The following LRRC1 variants were observed in gnomAD, a reference collection of about 807,000 sequenced individuals.
LRRC1 encodes the protein leucine-rich repeat-containing protein 1.
LRRC1 carries 28 observed loss-of-function variants against 69.9 expected under a neutral mutation model. The ratio of observed to expected loss-of-function variants is 0.40; its 90% CI spans 0.30 to 0.55. The LOEUF (loss-of-function observed/expected upper bound fraction) is 0.55, where lower values mean the gene tolerates loss of function less well. LRRC1 is among the 20% of genes least tolerant of loss of function. The pLI is 0.47. For synonymous variants in LRRC1, 236 were observed against 240.2 expected, an observed-to-expected ratio of 0.98 and a Z score of 0.16; for missense variants, 498 against 609.0, an observed-to-expected ratio of 0.82 and a Z score of 1.92.
At chr6:53,844,831 A>G (rs1386338093) in intron 2 of LRRC1, among the ~76,000 whole-genome samples, 2 of 152,182 alleles carry the variant, frequency 1.3e-5, no homozygotes, top group Non-Finnish European at 2.9e-5. Context: ...GCTCAGTAGC[A>G]TTATGTGTGT....
intron 13 of LRRC1, 21 bp downstream of exon 13, chr6:53,920,782 T>A: frequency 6.2e-7 from 1 of 1,614,000 alleles, no homozygotes; most frequent in Non-Finnish European, 8.5e-7. Flanking sequence ...GCAGATTCTT[T>A]GCCTCTGTGG....
At chr6:53,898,597 C>T (rs1436807994) in intron 7 of LRRC1, among the ~76,000 whole-genome samples, 1 of 152,116 alleles carries the variant, frequency 6.6e-6, no homozygotes, top group Non-Finnish European at 1.5e-5. Context: ...TGTGTTAAAT[C>T]AGCATAAACA....
At chr6:53,852,789 CA>C (rs1766181267) in intron 2 of LRRC1, among the ~76,000 whole-genome samples, 1 of 151,978 alleles carries the variant, frequency 6.6e-6, no homozygotes, top group Non-Finnish European at 1.5e-5. Flanking sequence ...TTTAAACTTG[CA>C]AAAAAACCCA....
At chr6:53,848,426 G>A (rs962140918) in intron 2 of LRRC1, among the ~76,000 whole-genome samples, 2 of 152,176 alleles carry the variant, frequency 1.3e-5, no homozygotes, top group South Asian at 2.1e-4. Flanking sequence ...AAATTTCAGC[G>A]AGCATTGTTT....
At chr6:53,830,962 A>T (rs1295143684) in intron 1 of LRRC1, among the ~76,000 whole-genome samples, 1 of 135,636 alleles carries the variant, frequency 7.4e-6, no homozygotes, top group Non-Finnish European at 1.6e-5. Context: ...ATATATATAT[A>T]ATATATAGTT....
In LRRC1 at chr6:53,844,478, G is replaced by A. The variant is rs191217404; in HGVS notation, c.277+2251G>A. On this transcript the variant is annotated intron_variant, in intron 2 of 13. Transcript: ENST00000370888. ...CACTAGTCAGCTGCCAGTTTTACCA[G>A]TTCCCACATCAGCTCTTTTCAAACA... is the stretch of plus-strand genomic sequence containing the variant. Among the ~76,000 whole-genome samples, 486 of 152,284 alleles carry A rather than the reference G, an allele frequency of 3.2e-3. 2 individuals are homozygous for A. The highest frequency in any genetic ancestry group is 0.014 in the Middle Eastern group (4 of 294).
intron 7 of LRRC1, among the ~76,000 whole-genome samples, chr6:53,899,451 C>T (rs765514278): frequency 1.3e-5 from 2 of 152,282 alleles, no homozygotes; most frequent in South Asian, 2.1e-4. Flanking sequence ...AATTGTGTGA[C>T]CCTGCAGTCG....
At chr6:53,898,158 T>C (rs1767934134) in intron 7 of LRRC1, among the ~76,000 whole-genome samples, 2 of 152,196 alleles carry the variant, frequency 1.3e-5, no homozygotes, top group Non-Finnish European at 2.9e-5. Context: ...GAAAGCACTT[T>C]AGTAAATTTT....
intron 1 of LRRC1, among the ~76,000 whole-genome samples, chr6:53,803,219 T>TA (rs1764535938): frequency 6.6e-6 from 1 of 152,330 alleles, no homozygotes; most frequent in Admixed American, 6.5e-5. Context: ...AATAGCAGTG[T>TA]AAACATTTCT....
intron 1 of LRRC1, among the ~76,000 whole-genome samples, chr6:53,825,452 C>A (rs1765229456): frequency 6.6e-6 from 1 of 152,188 alleles, no homozygotes; most frequent in Admixed American, 6.5e-5. Flanking sequence ...TGTTATACTG[C>A]CACTGTTTTG....
intron 10 of LRRC1, among the ~76,000 whole-genome samples, chr6:53,911,318 T>A (rs886247655): frequency 2.6e-5 from 4 of 152,166 alleles, no homozygotes; most frequent in African/African-American, 9.7e-5. Flanking sequence ...CCACTTTAAT[T>A]AATTAATTTT....
At chr6:53,878,505 A>G (rs936403207) in intron 2 of LRRC1, among the ~76,000 whole-genome samples, 1 of 152,224 alleles carries the variant, frequency 6.6e-6, no homozygotes, top group Non-Finnish European at 1.5e-5. Context: ...CACACAACCT[A>G]GATCCCTCGC....
intron 3 of LRRC1, among the ~76,000 whole-genome samples, chr6:53,880,313 C>T (rs1262853105): frequency 6.6e-6 from 1 of 152,118 alleles, no homozygotes; most frequent in Non-Finnish European, 1.5e-5. Flanking sequence ...AGCTTTCTTA[C>T]TTATCACTGT....
chr6:53,831,837 G>A (rs973887342), intron 1 of LRRC1, among the ~76,000 whole-genome samples: 4 of 152,082 alleles, frequency 2.6e-5, no homozygotes, highest in African/African-American at 9.7e-5. Context: ...CCTTGGCTAG[G>A]GGTGGTATCG....
In LRRC1 at chr6:53,916,132, T is replaced by C. The variant is rs73432429; in HGVS notation, c.1106+2163T>C. On this transcript the variant is annotated intron_variant, in intron 11 of 13. Coordinates refer to ENST00000370888, the MANE Select transcript of LRRC1 (RefSeq NM_018214.5). Reference sequence around the variant, plus strand: ...GTGACAGTAAAGAAAATGTCTTATATCATCAGTTACTCAGGCACAGAACAC... The same window carrying C: ...GTGACAGTAAAGAAAATGTCTTATACCATCAGTTACTCAGGCACAGAACAC... 3.7e-3 allele frequency among the ~76,000 whole-genome samples: 556 copies of C among 152,272 alleles called. 4 individuals are homozygous for C. Among genetic ancestry groups the C allele is most frequent in the African/African-American group, 0.013 (539 of 41,540 alleles).
intron 7 of LRRC1, 68 bp from the exon 8 acceptor site, chr6:53,899,679 C>T (rs907051349): frequency 6.8e-7 from 1 of 1,471,876 alleles, no homozygotes; most frequent in Non-Finnish European, 9.2e-7. Flanking sequence ...TGAAAAATCA[C>T]TGGAACAAAT....
chr6:53,917,925 A>G (rs886402917), intron 11 of LRRC1, among the ~76,000 whole-genome samples: 4 of 152,256 alleles, frequency 2.6e-5, no homozygotes, highest in African/African-American at 9.6e-5. Context: ...GTTTACATGT[A>G]TGCAACATTC....
intron 11 of LRRC1, among the ~76,000 whole-genome samples, chr6:53,915,927 A>G (rs1768550371): frequency 6.6e-6 from 1 of 152,220 alleles, no homozygotes. Context: ...ATGGGAAATC[A>G]TACTAAATCA....
intron 1 of LRRC1, among the ~76,000 whole-genome samples, chr6:53,813,664 TCAGGTATA>T (rs928722384): frequency 6.6e-6 from 1 of 150,766 alleles, no homozygotes; most frequent in African/African-American, 2.4e-5. Context: ...GCTGTAGGAA[TCAGGTATA>T]CAGGTTGGGT....
Sources: allele counts gnomAD v4.1 joint callset (sites outside exome capture counted in the v4.1 genomes callset), GRCh38; gene constraint gnomAD v4.1.1; transcripts MANE v1.5; gene names NCBI Gene and HGNC (gene_info 2026-07-23, HGNC 2026-07-21).